The following SLC35F1 variants were observed in gnomAD, a reference collection of about 807,000 sequenced individuals.
SLC35F1 encodes chromosome 6 open reading frame 169.
In SLC35F1, 14 loss-of-function variants were observed where a neutral mutation model predicts 48.7. The observed-to-expected ratio is 0.29, with a 90% CI of 0.19 to 0.45. The LOEUF is 0.45. Ranked by LOEUF, SLC35F1 falls within the 20% of genes least tolerant of loss-of-function variation. The pLI is 1.00. For missense variants in SLC35F1, 404 were observed against 500.0 expected, an observed-to-expected ratio of 0.81 and a Z score of 1.83; for synonymous variants, 190 against 202.2, an observed-to-expected ratio of 0.94 and a Z score of 0.51.
intron 1 of SLC35F1, among the ~76,000 whole-genome samples, chr6:118,120,852 G>T (rs1184973179): frequency 6.6e-6 from 1 of 152,086 alleles, no homozygotes; most frequent in Non-Finnish European, 1.5e-5. Context: ...TTGGCTGCCA[G>T]GACTCTCAAT....
At chr6:118,218,098 G>A (rs577625133) in intron 2 of SLC35F1, among the ~76,000 whole-genome samples, 83 of 152,270 alleles carry the variant, frequency 5.5e-4, no homozygotes, top group African/African-American at 1.9e-3. Flanking sequence ...TACCATGGAT[G>A]AGTCTAAGTT....
chr6:118,289,186 T>A (rs1361672576), intron 7 of SLC35F1, among the ~76,000 whole-genome samples: 1 of 152,374 alleles, frequency 6.6e-6, no homozygotes. Flanking sequence ...TAGTTTATCT[T>A]TTTTATCATT....
rs35310449 is a variant in SLC35F1 at position 118,304,397 on chromosome 6, A to AAGAGAAGAAGAAAAGAAAAG, written c.1003-9628_1003-9627insGAAGAAGAAAAGAAAAGAGA. On this transcript the variant is annotated intron_variant, in intron 7 of 7. Transcript: ENST00000360388. ...AAAAAAAAAAAGAAGAAGAAAAGAAAAGAAGAAGAAAGAAAGAAGGAAAAG... is the reference window on the plus strand; with the variant it reads ...AAAAAAAAAAAGAAGAAGAAAAGAAAAGAGAAGAAGAAAAGAAAAGAGAAGAAGAAAGAAAGAAGGAAAAG... Among the ~76,000 whole-genome samples, 463 of 149,866 alleles carry AAGAGAAGAAGAAAAGAAAAG rather than the reference A, an allele frequency of 3.1e-3. 4 individuals are homozygous for AAGAGAAGAAGAAAAGAAAAG. Among genetic ancestry groups the AAGAGAAGAAGAAAAGAAAAG allele is most frequent in the African/African-American group, 0.011 (451 of 40,760 alleles).
chr6:118,187,553 A>G (rs558093506), intron 2 of SLC35F1, among the ~76,000 whole-genome samples: 1 of 152,288 alleles, frequency 6.6e-6, no homozygotes, highest in East Asian at 1.9e-4. Context: ...GCCCTTAATC[A>G]GTTTTCCCCT....
At chr6:118,128,482 T>C (rs1284366239) in intron 1 of SLC35F1, among the ~76,000 whole-genome samples, 51 of 151,784 alleles carry the variant, frequency 3.4e-4, no homozygotes, top group Non-Finnish European at 6.8e-4. Flanking sequence ...TATGCAGCCA[T>C]AAAAAATGAT....
At chr6:118,237,888 A>G (rs141694915) in intron 3 of SLC35F1, among the ~76,000 whole-genome samples, 217 of 152,318 alleles carry the variant, frequency 1.4e-3, no homozygotes, top group African/African-American at 4.7e-3. Flanking sequence ...GTATATTTCT[A>G]TGATACATAC....
intron 1 of SLC35F1, among the ~76,000 whole-genome samples, chr6:118,035,279 C>T (rs541933179): frequency 4.1e-4 from 62 of 152,130 alleles, no homozygotes; most frequent in African/African-American, 1.4e-3. Context: ...TCAATGTACT[C>T]GGGGGTTTAT....
At chr6:118,307,744 T>C (rs1776329162) in intron 7 of SLC35F1, among the ~76,000 whole-genome samples, 1 of 152,210 alleles carries the variant, frequency 6.6e-6, no homozygotes, top group Non-Finnish European at 1.5e-5. Context: ...TTGGCCTGAA[T>C]AGCAATTGGC....
chr6:118,123,982 A>G (rs1352908240), intron 1 of SLC35F1, among the ~76,000 whole-genome samples: 1 of 152,186 alleles, frequency 6.6e-6, no homozygotes, highest in African/African-American at 2.4e-5. Flanking sequence ...ATTGGCTTCC[A>G]CAAATGCATC....
intron 1 of SLC35F1, among the ~76,000 whole-genome samples, chr6:118,034,369 C>G (rs1368644285): frequency 3.3e-5 from 5 of 151,832 alleles, no homozygotes; most frequent in African/African-American, 4.8e-5. Flanking sequence ...ACCAGCCTGG[C>G]CAATATGGTA....
chr6:118,043,703 C>G (rs1036083192), intron 1 of SLC35F1, among the ~76,000 whole-genome samples: 1 of 151,982 alleles, frequency 6.6e-6, no homozygotes, highest in Non-Finnish European at 1.5e-5. Flanking sequence ...ACACTCAATC[C>G]TCTTTAAATT....
intron 1 of SLC35F1, among the ~76,000 whole-genome samples, chr6:117,950,517 C>A (rs1562246316): frequency 6.6e-6 from 1 of 152,194 alleles, no homozygotes; most frequent in Non-Finnish European, 1.5e-5. Flanking sequence ...TCTGTACCAG[C>A]TGCCATGGAA....
chr6:118,079,073 TTG>T (rs1031327577), intron 1 of SLC35F1, among the ~76,000 whole-genome samples: 1 of 152,236 alleles, frequency 6.6e-6, no homozygotes, highest in African/African-American at 2.4e-5. Context: ...TACAATTTTT[TTG>T]TGTGTGTACA....
In SLC35F1 at chr6:118,063,485, C is replaced by T. The variant is rs973402828; in HGVS notation, c.174-90960C>T. Among the ~76,000 whole-genome samples, 4 of 152,116 alleles carry T rather than the reference C, an allele frequency of 2.6e-5. No individual in the cohort carries two copies. The South Asian group carries it at 8.3e-4, about 32-fold the overall frequency. ...ATGAAAAATGTATGCATTTTTTTCT[C>T]TATTTTTATTGACATACTTTTCAGT... On this transcript the variant is annotated intron_variant, in intron 1 of 7. Coordinates refer to ENST00000360388, the MANE Select transcript of SLC35F1 (RefSeq NM_001029858.4).
chr6:117,971,326 C>T (rs1242734977), intron 1 of SLC35F1, among the ~76,000 whole-genome samples: 1 of 152,226 alleles, frequency 6.6e-6, no homozygotes, highest in Non-Finnish European at 1.5e-5. Context: ...GCAGCTCTGC[C>T]CTTGTGGCTT....
At chr6:118,088,069 G>A (rs1349810274) in intron 1 of SLC35F1, among the ~76,000 whole-genome samples, 1 of 152,132 alleles carries the variant, frequency 6.6e-6, no homozygotes, top group African/African-American at 2.4e-5. Flanking sequence ...CATTGATATG[G>A]TTAATATAAT....
chr6:118,226,216 T>G (rs1278504596), intron 2 of SLC35F1, among the ~76,000 whole-genome samples: 1 of 152,160 alleles, frequency 6.6e-6, no homozygotes, highest in Non-Finnish European at 1.5e-5. Context: ...AATGACATGC[T>G]GGTGACGATA....
In SLC35F1 at chr6:118,154,660, C is replaced by T. The variant is rs114778047; in HGVS notation, c.349+40C>T. The T allele has an allele frequency of 3.1e-3, 4,853 of 1,541,800 alleles. 146 individuals carry two copies. In the African/African-American group the frequency reaches 0.06, roughly 19 times the overall value. On this transcript the variant is annotated intron_variant, in intron 2 of 7. Transcript: ENST00000360388. ...GCACCAGGAATATAACTTTTACAAA[C>T]ACCTAAAAAAAAGATGAGCCATGAC...
chr6:117,945,289 C>A (rs1258126838), intron 1 of SLC35F1, among the ~76,000 whole-genome samples: 1 of 152,120 alleles, frequency 6.6e-6, no homozygotes, highest in African/African-American at 2.4e-5. Context: ...GAAGTTGGCA[C>A]TATTTGGAAA....
Sources: allele counts gnomAD v4.1 joint callset (sites outside exome capture counted in the v4.1 genomes callset), GRCh38; gene constraint gnomAD v4.1.1; transcripts MANE v1.5; gene names NCBI Gene and HGNC (gene_info 2026-07-23, HGNC 2026-07-21).